Variants in GPR139 observed in about 807,000 individuals in gnomAD.
GPR139 encodes G protein-coupled receptor 139.
GPR139 carries 12 observed loss-of-function variants against 25.8 expected under a neutral mutation model. That is an observed-to-expected ratio of 0.47 (90% CI 0.30 to 0.75). GPR139 has a LOEUF of 0.75. GPR139 is among the 30% of genes least tolerant of loss of function. GPR139 has a pLI of 0.07. For missense variants in GPR139, 380 were observed against 450.2 expected (o/e 0.84, Z 1.41); for synonymous variants, 184 against 179.9 (o/e 1.02, Z -0.18).
intron 1 of GPR139, among the ~76,000 whole-genome samples, chr16:20,042,103 G>C (rs2057338569): frequency 6.6e-6 from 1 of 152,210 alleles, no homozygotes; most frequent in Admixed American, 6.5e-5. Flanking sequence ...TGGTGAACAA[G>C]TGAGCTGATG....
chr16:20,069,395 T>A (rs1321793731), intron 1 of GPR139, among the ~76,000 whole-genome samples: 1 of 142,230 alleles, frequency 7.0e-6, no homozygotes. Flanking sequence ...TTTCTCTCAT[T>A]AAAGATGTTT....
chr16:20,053,122 C>A lies in GPR139; in HGVS notation c.127+20368G>T, dbSNP rs576345007. On this transcript the variant is annotated intron_variant, in intron 1 of 1. Coordinates refer to ENST00000570682, the MANE Select transcript of GPR139 (RefSeq NM_001002911.4). ...TTTAGGATTGGGTTTAGAGACTTGC[C>A]CAAGGTTACATAGCTGGTAAGTTAA... is the stretch of plus-strand genomic sequence containing the variant. 2.6e-5 allele frequency among the ~76,000 whole-genome samples: 4 copies of A among 152,142 alleles called. No individual in the cohort carries two copies. In the South Asian group the frequency reaches 8.3e-4, roughly 32 times the overall value.
At chr16:20,072,523 T>A (rs115597997) in intron 1 of GPR139, among the ~76,000 whole-genome samples, 2,451 of 152,186 alleles carry the variant, frequency 0.016, 66 homozygotes, top group African/African-American at 0.056. Context: ...ATGCAAGTAA[T>A]CTTTAGGGAT....
chr16:20,036,545 G>A (rs538997221), intron 1 of GPR139, among the ~76,000 whole-genome samples: 29 of 152,312 alleles, frequency 1.9e-4, no homozygotes, highest in African/African-American at 5.1e-4. Flanking sequence ...GCAAAGTCAC[G>A]TCTTACATGG....
chr16:20,067,804 C>CAAAAA (rs35387821), intron 1 of GPR139, among the ~76,000 whole-genome samples: 20 of 68,632 alleles, frequency 2.9e-4, no homozygotes, highest in East Asian at 4.6e-4. Context: ...AACTCCATCT[C>CAAAAA]AAAAAAAAAA....
intron 1 of GPR139, among the ~76,000 whole-genome samples, chr16:20,070,573 G>A (rs2057456177): frequency 6.6e-6 from 1 of 152,206 alleles, no homozygotes; most frequent in African/African-American, 2.4e-5. Flanking sequence ...CCAACCTAGA[G>A]ACCGAAGGTA....
intron 1 of GPR139, among the ~76,000 whole-genome samples, chr16:20,068,256 A>AAG (rs57705423): frequency 0.088 from 11,907 of 135,694 alleles, 455 homozygotes; most frequent in East Asian, 0.2. Flanking sequence ...AAAAAAAAAA[A>AAG]AAGAAAGGAG....
chr16:20,030,429 TG>T lies in GPR139; in HGVS notation c.*1305del, dbSNP rs1567233492. Among the ~76,000 whole-genome samples the T allele has an allele frequency of 7.4e-5, 2 of 27,180 alleles. No homozygotes were observed. The highest frequency in any genetic ancestry group is 1.6e-4 in the African/African-American group (2 of 12,362). The allele number at this position is 27,180 out of a possible 152,430, so 17.8% of individuals were successfully genotyped here. On this transcript the variant is annotated 3_prime_UTR_variant, in exon 2 of 2. Transcript: ENST00000570682. The stretch of plus-strand genomic sequence containing the variant: ...ACACTAAATAAGACGAATATAATCA[TG>T]TGTGTGTGTGTGCTGCACACATAAG...
rs779634034 is a variant in GPR139 at position 20,073,631 on chromosome 16, C to T, written c.-15G>A. On this transcript the variant is annotated 5_prime_UTR_variant, in exon 1 of 2. Coordinates refer to ENST00000570682, the MANE Select transcript of GPR139 (RefSeq NM_001002911.4). This position sits in a 1 kb window ranked among gnomAD's most constrained non-coding sequence, Gnocchi z 4.7. ...GTGTGCTCCATGAGCGCGCCCCTCGCTCCCCTTGCCGCTTCGCGCCCGGCC... is the reference window on the plus strand; with the variant it reads ...GTGTGCTCCATGAGCGCGCCCCTCGTTCCCCTTGCCGCTTCGCGCCCGGCC... 2 of 1,567,810 alleles carry T rather than the reference C, an allele frequency of 1.3e-6. No homozygotes were observed. The highest frequency in any genetic ancestry group is 1.7e-6 in the Non-Finnish European group (2 of 1,155,740).
In GPR139 at chr16:20,031,000, C is replaced by T. The variant is rs1257607107; in HGVS notation, c.*735G>A. On this transcript the variant is annotated 3_prime_UTR_variant, in exon 2 of 2. Transcript: ENST00000570682. ...TGGGCTCGAGAATTCCTCCTTTCCC[C>T]CTGCGCACCAGGCAGGGTCTTTGTT... Among the ~76,000 whole-genome samples the T allele has an allele frequency of 6.6e-6, 1 of 151,794 alleles. No homozygotes were observed. The highest frequency in any genetic ancestry group is 1.5e-5 in the Non-Finnish European group (1 of 68,030).
intron 1 of GPR139, among the ~76,000 whole-genome samples, chr16:20,061,216 T>G (rs2057412301): frequency 6.8e-6 from 1 of 146,258 alleles, no homozygotes; most frequent in Non-Finnish European, 1.5e-5. Context: ...GATGGATGGA[T>G]GGATGGATGT....
In GPR139 at chr16:20,056,333, G is replaced by A. The variant is rs533196376; in HGVS notation, c.127+17157C>T. Reference sequence around the variant, plus strand: ...CCAACTAGACTCTGCCCTTCCTGAGGGTAGGAACCCAGATTTATTTTCCTT... The same window carrying A: ...CCAACTAGACTCTGCCCTTCCTGAGAGTAGGAACCCAGATTTATTTTCCTT... On this transcript the variant is annotated intron_variant, in intron 1 of 1. Transcript: ENST00000570682. 9.8e-5 allele frequency among the ~76,000 whole-genome samples: 15 copies of A among 152,308 alleles called. No homozygotes were observed. In the East Asian group the frequency reaches 2.7e-3, roughly 27 times the overall value.
chr16:20,052,423 C>G (rs2057375390), intron 1 of GPR139, among the ~76,000 whole-genome samples: 1 of 152,252 alleles, frequency 6.6e-6, no homozygotes, highest in African/African-American at 2.4e-5. Context: ...AGAAGCAGCA[C>G]TCATAGTGAT....
chr16:20,060,572 A>G (rs1176427796), intron 1 of GPR139, among the ~76,000 whole-genome samples: 1 of 152,150 alleles, frequency 6.6e-6, no homozygotes, highest in Non-Finnish European at 1.5e-5. Flanking sequence ...TCTGTGGCTG[A>G]AAAGCAATTC....
At chr16:20,062,365 A>T (rs958896754) in intron 1 of GPR139, among the ~76,000 whole-genome samples, 18 of 152,216 alleles carry the variant, frequency 1.2e-4, no homozygotes, top group East Asian at 5.8e-4. Flanking sequence ...GAGAGGATAC[A>T]ACAAGTCAGG....
intron 1 of GPR139, among the ~76,000 whole-genome samples, chr16:20,041,135 GGA>G: frequency 2.1e-3 from 1 of 472 alleles, no homozygotes. Context: ...GGAAAGGAGA[GGA>G]GAGGAGAGGA....
chr16:20,047,024 T>A (rs929803415), intron 1 of GPR139, among the ~76,000 whole-genome samples: 1 of 152,122 alleles, frequency 6.6e-6, no homozygotes, highest in Non-Finnish European at 1.5e-5. Flanking sequence ...TGAGCTATGT[T>A]CATGCAAAAC....
chr16:20,055,910 TC>T (rs2057387113), intron 1 of GPR139, among the ~76,000 whole-genome samples: 1 of 152,248 alleles, frequency 6.6e-6, no homozygotes, highest in South Asian at 2.1e-4. Flanking sequence ...GGTAATAGCA[TC>T]TACTTCATAG....
intron 1 of GPR139, among the ~76,000 whole-genome samples, chr16:20,068,033 A>G (rs561817042): frequency 9.4e-4 from 143 of 152,182 alleles, no homozygotes; most frequent in African/African-American, 3.3e-3. Context: ...GTTGAAATCC[A>G]TAATTGATAT....
Sources: gnomAD v4.1 joint callset for allele counts (sites outside exome capture counted in the v4.1 genomes callset) on GRCh38, gnomAD v4.1.1 for gene constraint, Gnocchi (gnomAD v3.1) non-coding constraint, MANE v1.5 for transcripts, NCBI Gene and HGNC (gene_info 2026-07-23, HGNC 2026-07-21) for gene names.